The following CLASP2 variants were observed in gnomAD, a reference collection of about 807,000 sequenced individuals.
The protein encoded by CLASP2 is cytoplasmic linker associated protein 2.
Under a neutral mutation model 194.4 loss-of-function variants are expected in CLASP2, and 47 were observed. The observed-to-expected ratio is 0.24, with a 90% CI of 0.19 to 0.31. The LOEUF (loss-of-function observed/expected upper bound fraction) is 0.31, where lower values mean the gene tolerates loss of function less well. CLASP2 is among the 10% of genes least tolerant of loss of function. The probability of loss-of-function intolerance (pLI) is 1.00; values close to 1 mark genes in which losing one functional copy is unlikely to be tolerated. For missense variants in CLASP2, 1,445 were observed against 1,823.6 expected (o/e 0.79, Z 3.78); for synonymous variants, 619 against 633.5 (o/e 0.98, Z 0.34).
chr3:33,701,426 T>C (rs981162897), intron 1 of CLASP2, among the ~76,000 whole-genome samples: 6 of 152,194 alleles, frequency 3.9e-5, no homozygotes, highest in Non-Finnish European at 8.8e-5. Flanking sequence ...CGAGAACCTG[T>C]CTCTACAAAA....
chr3:33,638,218 G>A (rs148898114), intron 8 of CLASP2, among the ~76,000 whole-genome samples: 4 of 152,314 alleles, frequency 2.6e-5, no homozygotes, highest in African/African-American at 7.2e-5. Flanking sequence ...GGTGATGAGA[G>A]AGGCAAGATG....
In CLASP2 at chr3:33,581,932, G is replaced by C; in HGVS notation, c.2240-4C>G. The C allele has an allele frequency of 6.2e-7, 1 of 1,600,110 alleles. No individual in the cohort carries two copies. Among genetic ancestry groups the C allele is most frequent in the Admixed American group, 1.7e-5 (1 of 59,842 alleles). On this transcript the variant is annotated splice_region_variant and splice_polypyrimidine_tract_variant and intron_variant, in intron 22 of 38. Coordinates refer to ENST00000682230, the MANE Select transcript of CLASP2 (RefSeq NM_001365631.1). ...CGAGGAATACGACTGCTTCGGGCTGGTGTGAAGCAACAGCAGCACACACAG... is the reference window on the plus strand; with the variant it reads ...CGAGGAATACGACTGCTTCGGGCTGCTGTGAAGCAACAGCAGCACACACAG...
intron 2 of CLASP2, among the ~76,000 whole-genome samples, chr3:33,690,145 T>TA (rs1182435248): frequency 2.0e-5 from 3 of 152,090 alleles, no homozygotes; most frequent in East Asian, 1.9e-4. Flanking sequence ...ATAATAATGT[T>TA]AAAAAAACAG....
intron 8 of CLASP2, among the ~76,000 whole-genome samples, chr3:33,643,085 G>A (rs1001189351): frequency 5.9e-5 from 9 of 151,792 alleles, no homozygotes; most frequent in Non-Finnish European, 1.3e-4. Flanking sequence ...GGGTGGAGGA[G>A]CTTAAGAAAG....
intron 34 of CLASP2, among the ~76,000 whole-genome samples, chr3:33,517,639 C>T (rs2051708019): frequency 6.6e-6 from 1 of 152,150 alleles, no homozygotes; most frequent in East Asian, 1.9e-4. Flanking sequence ...TCTAATCCCA[C>T]CATTGTAAAC....
At position 33,559,075 on chromosome 3, in the gene CLASP2, C is replaced by T. The variant is rs770516666; in HGVS notation, c.3009+232G>A. On this transcript the variant is annotated intron_variant, in intron 29 of 38. Coordinates refer to ENST00000682230, the MANE Select transcript of CLASP2 (RefSeq NM_001365631.1). The stretch of plus-strand genomic sequence containing the variant: ...TAGTTGAATACAGATGCAAACACTG[C>T]AGAGAGTTAAGAAAAGAAATAATGC... 4.9e-6 allele frequency: 3 copies of T among 614,654 alleles called. No homozygotes were observed. The South Asian group carries it at 4.9e-5, about 10-fold the overall frequency. 38.1% of individuals were successfully genotyped at this position (614,654 alleles called of 1,614,324 possible). A position where few individuals can be genotyped will look rare whatever the true frequency, so the allele number is the denominator to read the frequency against.
Position 33,689,836 on chromosome 3 carries a change from G to A in CLASP2, c.371C>T (p.Pro124Leu), listed in dbSNP as rs960865300. 2.5e-6 allele frequency: 4 copies of A among 1,576,260 alleles called. No homozygotes were observed. Among genetic ancestry groups the A allele is most frequent in the South Asian group, 2.4e-5 (2 of 83,664 alleles). The stretch of plus-strand genomic sequence containing the variant: ...TTTAAAATGTAGGCTTACCATAGGT[G>A]GTGCTACTTGATCCATTAACTTCAA... ...LILKLMDQVA[P>L]PMYIWEQLAS... The change falls in exon 3 of 39, where the codon CCA becomes CTA. Residue 124 changes from proline (P) to leucine (L), a missense_variant. Pro to Leu is a moderately conservative substitution (Grantham distance 98, BLOSUM62 -3). This residue lies in a region of CLASP2 where 332 missense variants were observed against 325.3 expected (regional missense o/e 1.02). Coordinates refer to ENST00000682230, the MANE Select transcript of CLASP2 (RefSeq NM_001365631.1).
chr3:33,595,589 C>G (rs1372675414), intron 19 of CLASP2, among the ~76,000 whole-genome samples: 1 of 151,926 alleles, frequency 6.6e-6, no homozygotes, highest in East Asian at 1.9e-4. Context: ...ACTACTAAAG[C>G]GCAATAATAT....
intron 29 of CLASP2, among the ~76,000 whole-genome samples, chr3:33,557,316 G>C (rs2061129341): frequency 6.6e-6 from 1 of 151,816 alleles, no homozygotes; most frequent in South Asian, 2.1e-4. Context: ...CATTTGCACT[G>C]GTTCATGAAA....
chr3:33,696,303 G>A (rs1170446992), intron 2 of CLASP2, among the ~76,000 whole-genome samples: 1 of 147,858 alleles, frequency 6.8e-6, no homozygotes, highest in Non-Finnish European at 1.5e-5. Flanking sequence ...TACAAATTGT[G>A]GCATTTCACA....
chr3:33,623,252 G>A (rs2077408955), intron 10 of CLASP2, among the ~76,000 whole-genome samples: 1 of 152,148 alleles, frequency 6.6e-6, no homozygotes, highest in Non-Finnish European at 1.5e-5. Flanking sequence ...ACATCAATCA[G>A]TTCTTTCCGT....
intron 19 of CLASP2, among the ~76,000 whole-genome samples, chr3:33,595,336 G>C (rs906153668): frequency 6.6e-6 from 1 of 152,042 alleles, no homozygotes; most frequent in African/African-American, 2.4e-5. Flanking sequence ...GACCTTTCCA[G>C]AGTAGAAATG....
At chr3:33,663,197 C>CAAAAAAAAAAAAAAAAAAAAAA (rs60671856) in intron 7 of CLASP2, among the ~76,000 whole-genome samples, 1 of 100,768 alleles carries the variant, frequency 9.9e-6, no homozygotes, top group Non-Finnish European at 2.0e-5. Flanking sequence ...GCAGTATCAC[C>CAAAAAAAAAAAAAAAAAAAAAA]AAAAAAAAAA....
intron 7 of CLASP2, chr3:33,645,416 AAGAC>A (rs1288985465): frequency 2.7e-6 from 2 of 744,182 alleles, no homozygotes; most frequent in African/African-American, 1.7e-5. Flanking sequence ...CTATCAAAAA[AAGAC>A]AGAAACAACC....
chr3:33,677,103 G>C (rs1280129851), intron 6 of CLASP2, among the ~76,000 whole-genome samples: 9 of 152,108 alleles, frequency 5.9e-5, no homozygotes, highest in Admixed American at 2.0e-4. Flanking sequence ...TACACTGTTG[G>C]TGGGACTGTA....
rs770516666 is a variant in CLASP2 at position 33,559,075 on chromosome 3, C to A, written c.3009+232G>T. The A allele has an allele frequency of 9.8e-6, 6 of 614,654 alleles. No individual in the cohort carries two copies. In the South Asian group the frequency reaches 9.8e-5, roughly 10 times the overall value. The allele number at this position is 614,654 out of a possible 1,614,324, so 38.1% of individuals were successfully genotyped here. On this transcript the variant is annotated intron_variant, in intron 29 of 38. Transcript: ENST00000682230. ...TAGTTGAATACAGATGCAAACACTG[C>A]AGAGAGTTAAGAAAAGAAATAATGC... is the stretch of plus-strand genomic sequence containing the variant.
intron 7 of CLASP2, among the ~76,000 whole-genome samples, chr3:33,651,961 C>T (rs2083293992): frequency 6.6e-6 from 1 of 152,026 alleles, no homozygotes; most frequent in African/African-American, 2.4e-5. Flanking sequence ...ACCTGGCCTC[C>T]ACTTCACTTT....
chr3:33,533,466 T>C (rs2056733730), intron 34 of CLASP2, among the ~76,000 whole-genome samples: 1 of 152,190 alleles, frequency 6.6e-6, no homozygotes, highest in African/African-American at 2.4e-5. Flanking sequence ...CTATTTCTTG[T>C]TAATAAAAAT....
chr3:33,667,119 T>C (rs899052074), intron 6 of CLASP2, among the ~76,000 whole-genome samples: 2 of 152,108 alleles, frequency 1.3e-5, no homozygotes, highest in African/African-American at 4.8e-5. Context: ...TCTTAGAAGA[T>C]ATTTGATTTT....
Sources: gnomAD v4.1 joint callset for allele counts (sites outside exome capture counted in the v4.1 genomes callset) on GRCh38, gnomAD v4.1.1 for gene constraint, gnomAD v4.1.1 regional missense constraint, MANE v1.5 for transcripts, NCBI Gene and HGNC (gene_info 2026-07-23, HGNC 2026-07-21) for gene names.